Variants in PTPRO observed in about 807,000 individuals in gnomAD.
PTPRO encodes the protein protein tyrosine phosphatase receptor type O, also known as receptor-type tyrosine-protein phosphatase O.
A neutral mutation model predicts 145.2 loss-of-function variants in PTPRO; 62 were observed. The observed-to-expected ratio is 0.43, with a 90% CI of 0.35 to 0.53. The LOEUF (loss-of-function observed/expected upper bound fraction) is 0.53, where lower values mean the gene tolerates loss of function less well. Among genes scored for constraint, PTPRO ranks in the 20% least tolerant of loss-of-function variants. PTPRO has a pLI of 0.01. For missense variants in PTPRO, 1,345 were observed against 1,482.7 expected (o/e 0.91, Z 1.53); for synonymous variants, 565 against 514.7 (o/e 1.10, Z -1.32).
chr12:15,377,471 A>T (rs1450052425), intron 1 of PTPRO, among the ~76,000 whole-genome samples: 1 of 152,090 alleles, frequency 6.6e-6, no homozygotes, highest in Non-Finnish European at 1.5e-5. Flanking sequence ...AAAGATGAAA[A>T]ATACACTATA....
intron 1 of PTPRO, among the ~76,000 whole-genome samples, chr12:15,388,775 T>C (rs1939102441): frequency 2.0e-5 from 3 of 152,214 alleles, no homozygotes; most frequent in Admixed American, 6.5e-5. Context: ...CCTCCGTAAG[T>C]GTTAACAGCA....
chr12:15,507,121 A>G (rs965829624), intron 6 of PTPRO, among the ~76,000 whole-genome samples: 18 of 152,248 alleles, frequency 1.2e-4, no homozygotes, highest in African/African-American at 2.9e-4. Flanking sequence ...CTTGTTATAA[A>G]AGTTAAAGGG....
intron 18 of PTPRO, among the ~76,000 whole-genome samples, chr12:15,567,441 C>T (rs1026224314): frequency 6.6e-6 from 1 of 152,020 alleles, no homozygotes; most frequent in African/African-American, 2.4e-5. Flanking sequence ...TTCCAGCTTT[C>T]TTTTTCTTCT....
intron 2 of PTPRO, 109 bp downstream of exon 2, chr12:15,484,356 A>T: frequency 1.7e-6 from 2 of 1,209,796 alleles, no homozygotes; most frequent in African/African-American, 1.5e-5. Context: ...CACTTGCCTT[A>T]ATGCCAAGTG....
intron 1 of PTPRO, among the ~76,000 whole-genome samples, chr12:15,399,690 T>C (rs1157384833): frequency 6.6e-6 from 1 of 152,182 alleles, no homozygotes; most frequent in East Asian, 1.9e-4. Context: ...TTAGCTTTCA[T>C]ACCAAGGTAT....
chr12:15,385,439 T>C (rs1938993739), intron 1 of PTPRO, among the ~76,000 whole-genome samples: 1 of 151,902 alleles, frequency 6.6e-6, no homozygotes, highest in Non-Finnish European at 1.5e-5. Flanking sequence ...CCCAGAAAGG[T>C]ATACACTTGG....
At chr12:15,471,894 C>G (rs1318118529) in intron 1 of PTPRO, among the ~76,000 whole-genome samples, 2 of 152,122 alleles carry the variant, frequency 1.3e-5, no homozygotes, top group African/African-American at 4.8e-5. Flanking sequence ...TCAGAAGGAA[C>G]CTGGCGAGTG....
At position 15,598,013 on chromosome 12, in the gene PTPRO, A is replaced by C. The variant is rs1310039128; in HGVS notation, c.*1940A>C. ...TGCTCAGAGCATACAGAAGTTTTGC[A>C]TCCTGGAACATTGCTTCCCATGAAA... is the stretch of plus-strand genomic sequence containing the variant. On this transcript the variant is annotated 3_prime_UTR_variant, in exon 27 of 27. Coordinates refer to ENST00000281171, the MANE Select transcript of PTPRO (RefSeq NM_030667.3). 6.6e-6 allele frequency among the ~76,000 whole-genome samples: 1 copy of C among 152,186 alleles called. No individual in the cohort carries two copies.
chr12:15,370,369 A>G (rs188074019), intron 1 of PTPRO, among the ~76,000 whole-genome samples: 1 of 152,352 alleles, frequency 6.6e-6, no homozygotes, highest in Admixed American at 6.5e-5. Flanking sequence ...TTCAGTGAAA[A>G]CAAATCTGTA....
chr12:15,511,217 G>C (rs1049552067), intron 7 of PTPRO, among the ~76,000 whole-genome samples: 1 of 152,204 alleles, frequency 6.6e-6, no homozygotes, highest in Non-Finnish European at 1.5e-5. Flanking sequence ...GGGGAGCAGA[G>C]TGTGGAAGTA....
At chr12:15,585,454 T>A (rs1944411426) in intron 23 of PTPRO, among the ~76,000 whole-genome samples, 1 of 152,238 alleles carries the variant, frequency 6.6e-6, no homozygotes, top group African/African-American at 2.4e-5. Flanking sequence ...GGGGAGGCAC[T>A]GCATGCTGCT....
chr12:15,548,417 T>A (rs1565419227), intron 13 of PTPRO, among the ~76,000 whole-genome samples: 1 of 152,124 alleles, frequency 6.6e-6, no homozygotes, highest in Non-Finnish European at 1.5e-5. Flanking sequence ...ACTCAGCAGT[T>A]CAAAGAATGT....
chr12:15,362,761 A>C (rs1226922227), intron 1 of PTPRO, among the ~76,000 whole-genome samples: 1 of 152,134 alleles, frequency 6.6e-6, no homozygotes, highest in Non-Finnish European at 1.5e-5. Context: ...AAAGCTCCAA[A>C]ATAAATAAAA....
chr12:15,532,551 C>T (rs1206646491), intron 12 of PTPRO, among the ~76,000 whole-genome samples: 3 of 152,074 alleles, frequency 2.0e-5, no homozygotes, highest in South Asian at 4.1e-4. Flanking sequence ...AAAAACATTC[C>T]TCCAAACTTT....
At position 15,415,146 on chromosome 12, in the gene PTPRO, G is replaced by A. The variant is rs61908004; in HGVS notation, c.76-68828G>A. Among the ~76,000 whole-genome samples, 539 of 152,142 alleles carry A rather than the reference G, an allele frequency of 3.5e-3. 5 individuals carry two copies. Among genetic ancestry groups the A allele is most frequent in the Non-Finnish European group, 5.8e-3 (396 of 68,018 alleles). On this transcript the variant is annotated intron_variant, in intron 1 of 26. Coordinates refer to ENST00000281171, the MANE Select transcript of PTPRO (RefSeq NM_030667.3). ...ACAGAGATGGCTTGCCAATTCACGC[G>A]TCACATGAGAACACCAAAAGATTTT...
chr12:15,364,939 A>C (rs918049349), intron 1 of PTPRO, among the ~76,000 whole-genome samples: 5 of 152,182 alleles, frequency 3.3e-5, no homozygotes, highest in Non-Finnish European at 7.3e-5. Context: ...TGGGTCCAGA[A>C]ACAATGCCAT....
At chr12:15,551,484 A>G in intron 14 of PTPRO, 67 bp from the exon 15 acceptor site, 3 of 1,584,436 alleles carry the variant, frequency 1.9e-6, no homozygotes, top group Non-Finnish European at 1.7e-6. Flanking sequence ...GATGAAAAGC[A>G]ATGAATGGTT....
chr12:15,506,653 G>A (rs527263464), intron 6 of PTPRO, among the ~76,000 whole-genome samples: 10 of 152,190 alleles, frequency 6.6e-5, no homozygotes, highest in Admixed American at 5.9e-4. Flanking sequence ...CTCGCTCATT[G>A]TCTTGAGAAC....
Position 15,596,487 on chromosome 12 carries a change from T to A in PTPRO, c.*414T>A, listed in dbSNP as rs956755671. Reference sequence around the variant, plus strand: ...TTGAATTGTTTTCTGCCTACACCGTTCATCAGCCCCATAACCCAGGAAGGA... The same window carrying A: ...TTGAATTGTTTTCTGCCTACACCGTACATCAGCCCCATAACCCAGGAAGGA... On this transcript the variant is annotated 3_prime_UTR_variant, in exon 27 of 27. Coordinates refer to ENST00000281171, the MANE Select transcript of PTPRO (RefSeq NM_030667.3). 1 of 152,620 alleles carries A rather than the reference T, an allele frequency of 6.6e-6. No individual in the cohort carries two copies. Among genetic ancestry groups the A allele is most frequent in the Admixed American group, 6.5e-5 (1 of 15,282 alleles). 9.5% of individuals were successfully genotyped at this position (152,620 alleles called of 1,614,324 possible).
Sources: allele counts gnomAD v4.1 joint callset (sites outside exome capture counted in the v4.1 genomes callset), GRCh38; gene constraint gnomAD v4.1.1; transcripts MANE v1.5; gene names NCBI Gene and HGNC (gene_info 2026-07-23, HGNC 2026-07-21).